Variants in PNPLA7 observed in about 807,000 individuals in gnomAD.
PNPLA7 encodes the protein patatin like domain 7, lysophospholipase.
PNPLA7 carries 153 observed loss-of-function variants against 161.7 expected under a neutral mutation model. The ratio of observed to expected loss-of-function variants is 0.95; its 90% CI spans 0.83 to 1.08. The LOEUF (loss-of-function observed/expected upper bound fraction) is 1.08, where lower values mean the gene tolerates loss of function less well. Ranked by LOEUF, PNPLA7 falls within the 50% of genes least tolerant of loss-of-function variation. The probability of loss-of-function intolerance (pLI) is 0.00; values close to 1 mark genes in which losing one functional copy is unlikely to be tolerated. For synonymous variants in PNPLA7, 809 were observed against 782.1 expected (o/e 1.03, Z -0.57); for missense variants, 1,739 against 1,856.6 (o/e 0.94, Z 1.16).
At chr9:137,462,509 G>C (rs989294219) in intron 30 of PNPLA7, 176 bp downstream of exon 30, 1 of 1,378,498 alleles carries the variant, frequency 7.3e-7, no homozygotes, top group Admixed American at 2.7e-5. Flanking sequence ...CTTCAGGCCC[G>C]TCCGGCCTCG....
At chr9:137,502,276 C>T (rs543303007) in intron 14 of PNPLA7, among the ~76,000 whole-genome samples, 76 of 152,156 alleles carry the variant, frequency 5.0e-4, no homozygotes, top group African/African-American at 6.7e-4. Flanking sequence ...ACCACACCCA[C>T]GAAGGTTTGA....
In PNPLA7 at chr9:137,515,672, A is replaced by G. The variant is rs1391720345; in HGVS notation, c.1085-153T>C. ...AGCCCACCGGCCACCAGGCCTCTGC[A>G]TCTGCCGGGCCAGCAGGTGAGTGCA... On this transcript the variant is annotated intron_variant, in intron 11 of 34. Coordinates refer to ENST00000406427, the MANE Select transcript of PNPLA7 (RefSeq NM_001098537.3). 4.0e-6 allele frequency: 4 copies of G among 1,011,996 alleles called. No individual in the cohort carries two copies. The East Asian group carries it at 1.2e-4, about 29-fold the overall frequency. 62.7% of individuals were successfully genotyped at this position (1,011,996 alleles called of 1,614,324 possible).
chr9:137,545,945 A>T (rs369612146), intron 4 of PNPLA7, among the ~76,000 whole-genome samples: 3 of 152,014 alleles, frequency 2.0e-5, no homozygotes, highest in Admixed American at 6.6e-5. Context: ...CCCTTTCCCC[A>T]GGGGAGTTCA....
chr9:137,532,742 T>C (rs140967715), intron 8 of PNPLA7, among the ~76,000 whole-genome samples: 12 of 152,216 alleles, frequency 7.9e-5, no homozygotes, highest in African/African-American at 2.6e-4. Context: ...AGGGGCAGGC[T>C]AACCCCAAGT....
chr9:137,460,455 G>A lies in PNPLA7; in HGVS notation c.3967C>T (p.His1323Tyr). ...SDLEDESSLR[H>Y]RHPSLAFPKL... ...GGGAAAGCCAGACTGGGGTGTCGAT[G>A]CCGCAGTGAGGACTCGTCCTCCTGC... Residue 1323 changes from histidine (H) to tyrosine (Y), a missense_variant, in exon 35 of 35, where the codon CAT becomes TAT. This residue lies in a region of PNPLA7 where 703 missense variants were observed against 694.6 expected (regional missense o/e 1.01). Transcript: ENST00000406427. 2.5e-6 allele frequency: 4 copies of A among 1,612,674 alleles called. No homozygotes were observed. The highest frequency in any genetic ancestry group is 1.3e-5 in the African/African-American group (1 of 75,058).
At chr9:137,462,110 G>A in intron 31 of PNPLA7, 69 bp from the exon 32 acceptor site, 1 of 1,518,412 alleles carries the variant, frequency 6.6e-7, no homozygotes, top group East Asian at 2.4e-5. Flanking sequence ...CTCAAAAGGG[G>A]GAAGCGAGGA....
Position 137,541,786 on chromosome 9 carries a change from ATT to A in PNPLA7, c.666+854_666+855del, listed in dbSNP as rs535110997. 6.8e-6 allele frequency among the ~76,000 whole-genome samples: 1 copy of A among 146,860 alleles called. No homozygotes were observed. ...AGCTCCTACGTGGATTCACACCCGA[ATT>A]TTTTTTTTTTTGAGACAGGGTCTCG... is the stretch of plus-strand genomic sequence containing the variant. On this transcript the variant is annotated intron_variant, in intron 7 of 34. Transcript: ENST00000406427. The surrounding 1 kb of genome is among the most constrained non-coding windows in gnomAD (Gnocchi z 4.4).
chr9:137,504,568 A>C (rs949022569), intron 14 of PNPLA7, among the ~76,000 whole-genome samples: 2 of 152,168 alleles, frequency 1.3e-5, no homozygotes, highest in African/African-American at 2.4e-5. Context: ...CCTTACTCAG[A>C]TCCTGATCTG....
rs746953914 is a variant in PNPLA7, at chr9:137,484,697, T to A, written c.2237A>T (p.Asp746Val). The change falls in exon 21 of 35, where the codon GAC becomes GTC. Residue 746 changes from aspartate (D) to valine (V), a missense_variant. Physicochemically the swap from Asp to Val is radical, Grantham distance 152. Coordinates refer to ENST00000406427, the MANE Select transcript of PNPLA7 (RefSeq NM_001098537.3). ...CAGGTTGACAGCCGGGTTCCCCAAGTCCCACTTGCTGCCCTCCGTGGGGAG... is the reference window on the plus strand; with the variant it reads ...CAGGTTGACAGCCGGGTTCCCCAAGACCCACTTGCTGCCCTCCGTGGGGAG... ...LGLPTEGSKW[D>V]LGNPAVNLST... 13 of 1,611,956 alleles carry A rather than the reference T, an allele frequency of 8.1e-6. No homozygotes were observed. Among genetic ancestry groups the A allele is most frequent in the Middle Eastern group, 1.6e-4 (1 of 6,076 alleles).
At chr9:137,514,427 G>C (rs866948453) in intron 12 of PNPLA7, among the ~76,000 whole-genome samples, 1,134 of 95,336 alleles carry the variant, frequency 0.012, 3 homozygotes, top group African/African-American at 0.036. Flanking sequence ...TTGATGTGCC[G>C]GGGCCCTGTG....
chr9:137,500,645 AG>A lies in PNPLA7; in HGVS notation c.1757+45del, dbSNP rs769741175. ...GCCACGCGGGGAGGGGTCTCAGGGCAGGGGGGGCTGGGGCCCGCCCTGAGGT... is the reference window on the plus strand; with the variant it reads ...GCCACGCGGGGAGGGGTCTCAGGGCAGGGGGGCTGGGGCCCGCCCTGAGGT... On this transcript the variant is annotated intron_variant, in intron 16 of 34. Coordinates refer to ENST00000406427, the MANE Select transcript of PNPLA7 (RefSeq NM_001098537.3). The surrounding 1 kb of genome is among the most constrained non-coding windows in gnomAD (Gnocchi z 5.5). 18 of 1,558,468 alleles carry A rather than the reference AG, an allele frequency of 1.2e-5. No homozygotes were observed. The highest frequency in any genetic ancestry group is 1.4e-5 in the African/African-American group (1 of 71,830).
chr9:137,478,268 T>G (rs987169321), intron 24 of PNPLA7, 116 bp from the exon 25 acceptor site: 25 of 751,192 alleles, frequency 3.3e-5, no homozygotes, highest in Middle Eastern at 6.3e-4. Flanking sequence ...TGACCCCAAA[T>G]CCTCTCCAGC....
At chr9:137,507,551 C>T (rs911654949) in intron 12 of PNPLA7, among the ~76,000 whole-genome samples, 1 of 152,158 alleles carries the variant, frequency 6.6e-6, no homozygotes, top group Non-Finnish European at 1.5e-5. Flanking sequence ...TGCCTGTTAC[C>T]CCAGGTCCTC....
At chr9:137,521,785 C>A in intron 9 of PNPLA7, 69 bp from the exon 10 acceptor site, 1 of 1,390,846 alleles carries the variant, frequency 7.2e-7, no homozygotes, top group Non-Finnish European at 9.9e-7. Context: ...GGCAGCACCA[C>A]ACAGAGCACT....
chr9:137,541,647 C>A lies in PNPLA7; in HGVS notation c.667-925G>T, dbSNP rs1033347225. The A allele has an allele frequency of 4.5e-6, 1 of 224,302 alleles. No homozygotes were observed. 13.9% of individuals were successfully genotyped at this position (224,302 alleles called of 1,614,324 possible). On this transcript the variant is annotated intron_variant, in intron 7 of 34. Coordinates refer to ENST00000406427, the MANE Select transcript of PNPLA7 (RefSeq NM_001098537.3). The surrounding 1 kb of genome is among the most constrained non-coding windows in gnomAD (Gnocchi z 4.4). ...TGCCCAGACAGACAAAGCCACACCA[C>A]CCTCCAGGAGAGCAACACAGCGCCA...
intron 26 of PNPLA7, chr9:137,464,797 C>T (rs1383942760): frequency 2.6e-5 from 8 of 303,018 alleles, no homozygotes; most frequent in Admixed American, 4.6e-5. Context: ...TGCCCATGCC[C>T]GTGGCTGGAG....
chr9:137,487,719 C>A (rs1243935983), intron 20 of PNPLA7, among the ~76,000 whole-genome samples: 1 of 152,266 alleles, frequency 6.6e-6, no homozygotes, highest in African/African-American at 2.4e-5. Context: ...GGGGAACCAG[C>A]CACACCGGCA....
At chr9:137,463,682 C>G in intron 28 of PNPLA7, 151 bp from the exon 29 acceptor site, 1 of 618,944 alleles carries the variant, frequency 1.6e-6, no homozygotes, top group Non-Finnish European at 2.8e-6. Flanking sequence ...AAGGGCTGAA[C>G]AAAATTGAGT....
rs1836269825 is a variant in PNPLA7, at chr9:137,542,661, T to G, written c.647A>C (p.Glu216Ala). ...SICVVQDGRL[E>A]VCIQDTDGTE... is the part of the protein sequence containing the mutation. ...ACTCACAGTGTCCTGGATGCAGACCTCCAGCCGCCCGTCCTGCACCACACA... is the reference window on the plus strand; with the variant it reads ...ACTCACAGTGTCCTGGATGCAGACCGCCAGCCGCCCGTCCTGCACCACACA... The change falls in exon 7 of 35, where the codon GAG (glutamate) becomes GCG (alanine). Residue 216 changes from glutamate to alanine, a missense_variant. By Grantham distance (107) the Glu-to-Ala change is moderately radical. Around this residue, in one of 6 missense-constraint regions of PNPLA7, gnomAD observed 152 missense variants for 193.5 expected, o/e 0.79. Transcript: ENST00000406427. The G allele has an allele frequency of 6.2e-7, 1 of 1,610,154 alleles. No individual in the cohort carries two copies. The highest frequency in any genetic ancestry group is 8.5e-7 in the Non-Finnish European group (1 of 1,178,130).
Sources: gnomAD v4.1 joint callset for allele counts (sites outside exome capture counted in the v4.1 genomes callset) on GRCh38, gnomAD v4.1.1 for gene constraint, gnomAD v4.1.1 regional missense constraint, Gnocchi (gnomAD v3.1) non-coding constraint, MANE v1.5 for transcripts, NCBI Gene and HGNC (gene_info 2026-07-23, HGNC 2026-07-21) for gene names.